ZMYND8: variants seen among roughly 807,000 people sequenced by gnomAD.
The protein encoded by ZMYND8 is MYND-type zinc finger-containing chromatin reader ZMYND8.
A neutral mutation model predicts 140.8 loss-of-function variants in ZMYND8; 37 were observed. The observed-to-expected ratio is 0.26, with a 90% confidence interval of 0.20 to 0.35. ZMYND8 has a LOEUF of 0.35. Among genes scored for constraint, ZMYND8 ranks in the 10% least tolerant of loss-of-function variants. ZMYND8 has a pLI of 1.00. For missense variants in ZMYND8, 1,068 were observed against 1,570.0 expected (o/e 0.68, Z 5.40); for synonymous variants, 592 against 597.1 (o/e 0.99, Z 0.12).
rs1569220957 is a variant in ZMYND8, at chr20:47,333,741, A to AC, written c.85+14114_85+14115insG. 3.7e-4 allele frequency among the ~76,000 whole-genome samples: 54 copies of AC among 144,708 alleles called. 2 individuals are homozygous for AC. Among genetic ancestry groups the AC allele is most frequent in the African/African-American group, 1.4e-3 (54 of 37,366 alleles). 94.9% of individuals were successfully genotyped at this position (144,708 alleles called of 152,430 possible). On this transcript the variant is annotated intron_variant, in intron 2 of 22. Transcript: ENST00000471951. Reference sequence around the variant, plus strand: ...CTCCGTCTCAAAAAAAAAAAAAAAAAAAAAAAAAAAAAAAACATTAGCTGG... The same window carrying AC: ...CTCCGTCTCAAAAAAAAAAAAAAAAACAAAAAAAAAAAAAAACATTAGCTGG...
intron 11 of ZMYND8, among the ~76,000 whole-genome samples, chr20:47,272,850 T>G (rs1449379969): frequency 6.6e-6 from 1 of 152,262 alleles, no homozygotes. Context: ...TTCTATTCTA[T>G]GACATGGCAA....
intron 8 of ZMYND8, chr20:47,285,783 T>C (rs1440332692): frequency 2.0e-6 from 2 of 984,354 alleles, no homozygotes; most frequent in African/African-American, 3.5e-5. Context: ...TATGTAATAC[T>C]ATACAGCCAT....
intron 17 of ZMYND8, 133 bp from the exon 18 acceptor site, chr20:47,227,414 G>T: frequency 1.3e-6 from 1 of 786,852 alleles, no homozygotes; most frequent in Non-Finnish European, 2.1e-6. Context: ...AGTCCAGAGA[G>T]GTGATCACTG....
chr20:47,342,863 GAAAA>G (rs2082025764), intron 2 of ZMYND8, among the ~76,000 whole-genome samples: 1 of 140,412 alleles, frequency 7.1e-6, no homozygotes, highest in Non-Finnish European at 1.5e-5. Context: ...AAAAAAAAAA[GAAAA>G]GAAAGAAAGA....
chr20:47,291,044 C>T (rs1257692049), intron 6 of ZMYND8, among the ~76,000 whole-genome samples: 1 of 152,072 alleles, frequency 6.6e-6, no homozygotes, highest in Non-Finnish European at 1.5e-5. Context: ...ATCTAAAGTT[C>T]CACAGCTCTT....
At chr20:47,303,035 AC>A (rs1027305505) in intron 3 of ZMYND8, among the ~76,000 whole-genome samples, 1 of 152,162 alleles carries the variant, frequency 6.6e-6, no homozygotes, top group African/African-American at 2.4e-5. Context: ...AATTAGGACA[AC>A]CAAAAACGTC....
At chr20:47,316,806 A>C (rs908665074) in intron 2 of ZMYND8, among the ~76,000 whole-genome samples, 2 of 152,024 alleles carry the variant, frequency 1.3e-5, no homozygotes, top group African/African-American at 2.4e-5. Flanking sequence ...AAAAAAAAAA[A>C]AAAGAAAGAA....
intron 21 of ZMYND8, among the ~76,000 whole-genome samples, chr20:47,217,058 C>T (rs1301324614): frequency 1.3e-5 from 2 of 151,972 alleles, no homozygotes; most frequent in Non-Finnish European, 2.9e-5. Flanking sequence ...GCCAAATGGA[C>T]ATGCTAGGAA....
chr20:47,348,185 C>T (rs2082489253), intron 1 of ZMYND8: 1 of 486,338 alleles, frequency 2.1e-6, no homozygotes, highest in East Asian at 3.9e-5. Context: ...ATGCAAAAGG[C>T]AATTTTTTAG....
intron 8 of ZMYND8, 52 bp downstream of exon 8, chr20:47,287,177 C>T: frequency 1.3e-6 from 2 of 1,529,338 alleles, no homozygotes; most frequent in Non-Finnish European, 1.8e-6. Flanking sequence ...CTTCAGCTGC[C>T]CCATCCCCTC....
chr20:47,225,018 G>A (rs558297565), intron 18 of ZMYND8, among the ~76,000 whole-genome samples: 47 of 152,096 alleles, frequency 3.1e-4, no homozygotes, highest in African/African-American at 1.0e-3. Context: ...ATAATCCTAC[G>A]GGGTAAGTAC....
intron 17 of ZMYND8, 65 bp downstream of exon 17, chr20:47,229,661 T>C (rs1367786363): frequency 2.7e-6 from 4 of 1,502,098 alleles, no homozygotes; most frequent in Non-Finnish European, 3.7e-6. Context: ...TTCTTCATGG[T>C]ACCACCTTTA....
chr20:47,267,499 G>T (rs549402018), intron 11 of ZMYND8, among the ~76,000 whole-genome samples: 5 of 144,124 alleles, frequency 3.5e-5, no homozygotes, highest in Non-Finnish European at 7.6e-5. Context: ...GCCGGGGCGG[G>T]GGGGGGGCAA....
At chr20:47,313,388 C>T (rs1465952854) in intron 2 of ZMYND8, among the ~76,000 whole-genome samples, 1 of 151,832 alleles carries the variant, frequency 6.6e-6, no homozygotes, top group East Asian at 1.9e-4. Context: ...TTTGGGAGGC[C>T]AAGGCGGGCG....
intron 21 of ZMYND8, among the ~76,000 whole-genome samples, chr20:47,218,758 T>C (rs1020293879): frequency 6.6e-6 from 1 of 152,072 alleles, no homozygotes; most frequent in Non-Finnish European, 1.5e-5. Flanking sequence ...CAAGTTCATA[T>C]CCTCCCTCCT....
chr20:47,354,585 G>T (rs1173546527), intron 1 of ZMYND8: 3 of 152,156 alleles, frequency 2.0e-5, no homozygotes, highest in Non-Finnish European at 4.4e-5. Context: ...TTAGAATGTG[G>T]TACGTTTCTG....
chr20:47,257,758 A>G (rs1299769887), intron 12 of ZMYND8, among the ~76,000 whole-genome samples: 2 of 152,212 alleles, frequency 1.3e-5, no homozygotes, highest in Admixed American at 6.5e-5. Flanking sequence ...GTAACAGTAT[A>G]ATATAATTAC....
intron 1 of ZMYND8, among the ~76,000 whole-genome samples, chr20:47,351,550 A>G (rs2082781868): frequency 6.6e-6 from 1 of 152,196 alleles, no homozygotes; most frequent in South Asian, 2.1e-4. Context: ...CCAGGCTGTA[A>G]GAAATATTTA....
chr20:47,286,597 T>A (rs1282539273), intron 8 of ZMYND8, among the ~76,000 whole-genome samples: 6 of 152,208 alleles, frequency 3.9e-5, no homozygotes, highest in Admixed American at 3.9e-4. Context: ...TTTTTCTTTA[T>A]GAATGAATGG....
Sources: allele counts gnomAD v4.1 joint callset (sites outside exome capture counted in the v4.1 genomes callset), GRCh38; gene constraint gnomAD v4.1.1; transcripts MANE v1.5; gene names NCBI Gene and HGNC (gene_info 2026-07-23, HGNC 2026-07-21).